CNTNAP5: variants seen among roughly 807,000 people sequenced by gnomAD.
CNTNAP5 encodes contactin associated protein family member 5.
In CNTNAP5, 72 loss-of-function variants were observed where a neutral mutation model predicts 150.2. That is an observed-to-expected ratio of 0.48 (90% CI 0.40 to 0.58). CNTNAP5 has a LOEUF of 0.58. CNTNAP5 is among the 20% of genes least tolerant of loss of function. The pLI is 0.00. For missense variants in CNTNAP5, 1,636 were observed against 1,626.2 expected, an observed-to-expected ratio of 1.01 and a Z score of -0.10; for synonymous variants, 672 against 619.8, an observed-to-expected ratio of 1.08 and a Z score of -1.25.
intron 1 of CNTNAP5, among the ~76,000 whole-genome samples, chr2:124,085,145 C>A (rs1682654261): frequency 6.6e-6 from 1 of 152,018 alleles, no homozygotes. Context: ...TGGTCTTGAA[C>A]CCCTGACCTC....
intron 11 of CNTNAP5, among the ~76,000 whole-genome samples, chr2:124,567,866 T>G (rs560366687): frequency 2.9e-5 from 4 of 138,422 alleles, no homozygotes; most frequent in Non-Finnish European, 6.1e-5. Context: ...GATAGATAGA[T>G]AGATAGATAG....
At chr2:124,899,724 T>C (rs771722815) in intron 21 of CNTNAP5, among the ~76,000 whole-genome samples, 5 of 151,388 alleles carry the variant, frequency 3.3e-5, no homozygotes, top group African/African-American at 4.9e-5. Context: ...ATATTCACTA[T>C]TAAGTTTGTC....
chr2:124,506,514 C>T lies in CNTNAP5; in HGVS notation c.1327+1958C>T, dbSNP rs1025819385. Among the ~76,000 whole-genome samples the T allele has an allele frequency of 5.9e-5, 9 of 152,188 alleles. 1 individual carries two copies. The South Asian group carries it at 1.2e-3, about 21-fold the overall frequency. On this transcript the variant is annotated intron_variant, in intron 8 of 23. Transcript: ENST00000682447. ...TCTCATAGTTATGGTCATGTCAGACCGTGGGAGACATTCAAATGTCCATAG... is the reference window on the plus strand; with the variant it reads ...TCTCATAGTTATGGTCATGTCAGACTGTGGGAGACATTCAAATGTCCATAG...
chr2:124,627,343 A>C (rs1677748805), intron 12 of CNTNAP5, among the ~76,000 whole-genome samples: 1 of 152,168 alleles, frequency 6.6e-6, no homozygotes, highest in African/African-American at 2.4e-5. Context: ...ACATCAGGTC[A>C]GTGTCCCTCT....
At chr2:124,847,948 A>G (rs1019435190) in intron 19 of CNTNAP5, among the ~76,000 whole-genome samples, 1 of 152,170 alleles carries the variant, frequency 6.6e-6, no homozygotes, top group African/African-American at 2.4e-5. Flanking sequence ...AAGCTTAAAA[A>G]TATTTATTTT....
At chr2:124,681,447 T>A (rs1344836445) in intron 13 of CNTNAP5, among the ~76,000 whole-genome samples, 16 of 151,966 alleles carry the variant, frequency 1.1e-4, no homozygotes, top group Admixed American at 1.0e-3. Context: ...GCTGTTTTTC[T>A]TGTTGTTGCG....
intron 11 of CNTNAP5, among the ~76,000 whole-genome samples, chr2:124,599,134 G>A (rs142822082): frequency 0.018 from 2,707 of 151,518 alleles, 82 homozygotes; most frequent in African/African-American, 0.062. Context: ...GCTGTAGACC[G>A]GAGCTGTTCC....
intron 14 of CNTNAP5, among the ~76,000 whole-genome samples, chr2:124,752,723 G>A (rs759027797): frequency 1.3e-5 from 2 of 152,144 alleles, no homozygotes; most frequent in Non-Finnish European, 2.9e-5. Flanking sequence ...ATCTCTAGGA[G>A]TCCTCCCAAC....
intron 7 of CNTNAP5, among the ~76,000 whole-genome samples, chr2:124,486,305 G>A (rs1022080201): frequency 2.0e-5 from 3 of 152,156 alleles, no homozygotes; most frequent in African/African-American, 7.2e-5. Flanking sequence ...CTTGTGGGGA[G>A]GGTGGCTGGA....
intron 1 of CNTNAP5, among the ~76,000 whole-genome samples, chr2:124,114,726 T>A (rs1683384575): frequency 6.6e-6 from 1 of 151,838 alleles, no homozygotes; most frequent in Non-Finnish European, 1.5e-5. Flanking sequence ...ATTTCATCAA[T>A]AAATACGATA....
At chr2:124,085,417 TTC>T (rs148165067) in intron 1 of CNTNAP5, among the ~76,000 whole-genome samples, 6,179 of 152,250 alleles carry the variant, frequency 0.041, 422 homozygotes, top group African/African-American at 0.14. Context: ...ATATTGGTTT[TTC>T]TCTCTTTCCT....
chr2:124,047,682 T>C (rs1176305702), intron 1 of CNTNAP5, among the ~76,000 whole-genome samples: 2 of 152,220 alleles, frequency 1.3e-5, no homozygotes, highest in Admixed American at 6.5e-5. Flanking sequence ...GTGTCCCTGG[T>C]GCATGAAAAA....
chr2:124,230,340 C>T (rs1686583591), intron 2 of CNTNAP5, among the ~76,000 whole-genome samples: 1 of 151,984 alleles, frequency 6.6e-6, no homozygotes, highest in Admixed American at 6.6e-5. Flanking sequence ...GGGACTTTTT[C>T]CAGATTACAA....
At chr2:124,578,156 CAAAAAA>C (rs556786620) in intron 11 of CNTNAP5, among the ~76,000 whole-genome samples, 1 of 69,496 alleles carries the variant, frequency 1.4e-5, no homozygotes, top group Non-Finnish European at 2.7e-5. Flanking sequence ...ACTAAAAATA[CAAAAAA>C]AAAAAAAAAA....
intron 21 of CNTNAP5, among the ~76,000 whole-genome samples, chr2:124,874,469 G>A (rs186813998): frequency 1.3e-5 from 2 of 152,050 alleles, no homozygotes; most frequent in Admixed American, 1.3e-4. Flanking sequence ...GGCAGACATA[G>A]GAATTGAAAA....
At chr2:124,783,077 C>T (rs1219420441) in intron 17 of CNTNAP5, among the ~76,000 whole-genome samples, 3 of 152,150 alleles carry the variant, frequency 2.0e-5, no homozygotes, top group Non-Finnish European at 4.4e-5. Flanking sequence ...CCTCTGATTT[C>T]AGAAACGGGT....
chr2:124,650,409 G>A (rs17392772), intron 13 of CNTNAP5, among the ~76,000 whole-genome samples: 27,889 of 152,150 alleles, frequency 0.18, 2,826 homozygotes, highest in Non-Finnish European at 0.24. Flanking sequence ...TGAGCTCACC[G>A]TCTGGAAAAG....
intron 7 of CNTNAP5, among the ~76,000 whole-genome samples, chr2:124,480,618 G>T (rs1342858121): frequency 6.6e-6 from 1 of 152,140 alleles, no homozygotes; most frequent in Non-Finnish European, 1.5e-5. Flanking sequence ...ACTCCCTACT[G>T]TCTAGTAAAG....
intron 19 of CNTNAP5, among the ~76,000 whole-genome samples, chr2:124,864,249 G>GCA (rs1481963666): frequency 2.6e-5 from 4 of 151,988 alleles, no homozygotes; most frequent in African/African-American, 9.7e-5. Flanking sequence ...TATAATACTT[G>GCA]TATATATTTA....
Sources: allele counts gnomAD v4.1 joint callset (sites outside exome capture counted in the v4.1 genomes callset), GRCh38; gene constraint gnomAD v4.1.1; transcripts MANE v1.5; gene names NCBI Gene and HGNC (gene_info 2026-07-23, HGNC 2026-07-21).